The following CDH23 variants were observed in gnomAD, a reference collection of about 807,000 sequenced individuals.
CDH23 encodes the protein cadherin related 23, also known as cadherin-23.
A neutral mutation model predicts 317.1 loss-of-function variants in CDH23; 189 were observed. That is an observed-to-expected ratio of 0.60 (90% CI 0.53 to 0.67). The LOEUF (loss-of-function observed/expected upper bound fraction) is 0.67. Among genes scored for constraint, CDH23 ranks in the 30% least tolerant of loss-of-function variants. The pLI is 0.00. For synonymous variants in CDH23, 1,839 were observed against 1,876.8 expected, an observed-to-expected ratio of 0.98 and a Z score of 0.52; for missense variants, 4,401 against 4,592.4, an observed-to-expected ratio of 0.96 and a Z score of 1.20.
intron 38 of CDH23, chr10:71,742,182 C>T (rs1296600781): frequency 1.9e-6 from 1 of 539,168 alleles, no homozygotes; most frequent in East Asian, 3.0e-5. Context: ...TTTTCTCTCA[C>T]AGAGCAGCTC....
intron 28 of CDH23, chr10:71,716,065 C>T: frequency 1.3e-6 from 2 of 1,515,266 alleles, no homozygotes; most frequent in Non-Finnish European, 8.9e-7. Context: ...AGCCCAGGCG[C>T]TTCCAGAGCC....
At chr10:71,481,783 G>A (rs930837982) in intron 3 of CDH23, among the ~76,000 whole-genome samples, 4 of 152,212 alleles carry the variant, frequency 2.6e-5, no homozygotes, top group Middle Eastern at 3.2e-3. Context: ...CCTTCAGCTC[G>A]CAGAGCTAAC....
intron 47 of CDH23, among the ~76,000 whole-genome samples, chr10:71,792,373 A>G (rs1353820386): frequency 6.6e-6 from 1 of 152,154 alleles, no homozygotes; most frequent in Non-Finnish European, 1.5e-5. Context: ...AAATGAAGAA[A>G]ACTTAGGTGA....
At chr10:71,426,655 A>G (rs1034507772) in intron 1 of CDH23, among the ~76,000 whole-genome samples, 1 of 152,050 alleles carries the variant, frequency 6.6e-6, no homozygotes, top group Non-Finnish European at 1.5e-5. Context: ...TAGTTTTGAT[A>G]AGCTTTGGTT....
At chr10:71,802,796 G>A (rs527803525) in intron 53 of CDH23, 102 bp from the exon 54 acceptor site, 22 of 1,243,844 alleles carry the variant, frequency 1.8e-5, no homozygotes, top group Non-Finnish European at 2.4e-5. Flanking sequence ...TCCCAGGCTG[G>A]TGCCTGTCCT....
intron 38 of CDH23, among the ~76,000 whole-genome samples, 171 bp from the exon 39 acceptor site, chr10:71,777,509 A>C (rs543558376): frequency 6.6e-6 from 1 of 152,082 alleles, no homozygotes; most frequent in African/African-American, 2.4e-5. Context: ...CTTTTGGTGG[A>C]GTTTTTGAGC....
Position 71,763,936 on chromosome 10 carries a change from A to C in CDH23, c.4846-13744A>C, listed in dbSNP as rs187318014. On this transcript the variant is annotated intron_variant, in intron 38 of 69. Transcript: ENST00000224721. Reference sequence around the variant, plus strand: ...CTTGTGTTTAAAGGAGAGTCTCCAAAGGCACCAAAGCCCCAAACGGCATGT... The same window carrying C: ...CTTGTGTTTAAAGGAGAGTCTCCAACGGCACCAAAGCCCCAAACGGCATGT... Among the ~76,000 whole-genome samples the C allele has an allele frequency of 1.5e-3, 226 of 152,340 alleles. 2 individuals are homozygous for C. The highest frequency in any genetic ancestry group is 1.9e-3 in the Non-Finnish European group (130 of 68,032).
At chr10:71,670,930 G>A (rs964462201) in intron 14 of CDH23, among the ~76,000 whole-genome samples, 30 of 151,322 alleles carry the variant, frequency 2.0e-4, no homozygotes, top group Non-Finnish European at 4.0e-4. Context: ...GAGCACAGTT[G>A]AGGTGCTCAC....
At chr10:71,785,352 T>C (rs1405474798) in intron 43 of CDH23, among the ~76,000 whole-genome samples, 1 of 152,202 alleles carries the variant, frequency 6.6e-6, no homozygotes. Flanking sequence ...CCACTTGGTT[T>C]AATCAAGACG....
At chr10:71,723,870 G>A (rs1276045008) in intron 28 of CDH23, among the ~76,000 whole-genome samples, 175 bp from the exon 29 acceptor site, 1 of 152,148 alleles carries the variant, frequency 6.6e-6, no homozygotes, top group East Asian at 1.9e-4. Context: ...ATCCTCTTGG[G>A]GATTAGAAAG....
intron 20 of CDH23, among the ~76,000 whole-genome samples, chr10:71,693,166 C>A (rs920337451): frequency 6.6e-6 from 1 of 152,242 alleles, no homozygotes; most frequent in Non-Finnish European, 1.5e-5. Flanking sequence ...TCACCCTGCT[C>A]CCAAGAGCTA....
intron 38 of CDH23, among the ~76,000 whole-genome samples, chr10:71,760,314 C>CATAT (rs71018220): frequency 0.067 from 5,477 of 82,296 alleles, 309 homozygotes; most frequent in Non-Finnish European, 0.096. Context: ...TATACACACA[C>CATAT]ATATATATAT....
At chr10:71,549,816 A>C (rs928227311) in intron 6 of CDH23, among the ~76,000 whole-genome samples, 2 of 152,188 alleles carry the variant, frequency 1.3e-5, no homozygotes, top group African/African-American at 4.8e-5. Flanking sequence ...ACTTCAAGGC[A>C]CTAGAGGGTG....
intron 6 of CDH23, among the ~76,000 whole-genome samples, chr10:71,546,642 G>A (rs762610272): frequency 5.3e-5 from 8 of 152,162 alleles, no homozygotes; most frequent in African/African-American, 1.4e-4. Flanking sequence ...GTAGGTGCAC[G>A]GTCATTATTA....
chr10:71,640,407 T>A (rs1338989286), intron 11 of CDH23, among the ~76,000 whole-genome samples: 1 of 152,234 alleles, frequency 6.6e-6, no homozygotes, highest in Non-Finnish European at 1.5e-5. Flanking sequence ...ATCCTGATGG[T>A]TCTCAGACAT....
intron 26 of CDH23, chr10:71,707,362 A>G: frequency 7.2e-7 from 1 of 1,381,808 alleles, no homozygotes; most frequent in Non-Finnish European, 9.4e-7. Context: ...AGGAGCCCTG[A>G]GCCCCACTCC....
chr10:71,701,141 G>A (rs893654301), intron 22 of CDH23, among the ~76,000 whole-genome samples: 3 of 152,178 alleles, frequency 2.0e-5, no homozygotes, highest in Admixed American at 2.0e-4. Flanking sequence ...CACCTCAGGA[G>A]CCTCCAGGCT....
At chr10:71,480,556 G>A (rs1317670827) in intron 3 of CDH23, among the ~76,000 whole-genome samples, 1 of 152,258 alleles carries the variant, frequency 6.6e-6, no homozygotes, top group Non-Finnish European at 1.5e-5. Flanking sequence ...CAACTTGGAT[G>A]TGAGGATGGA....
chr10:71,529,810 C>T (rs1392415420), intron 6 of CDH23, among the ~76,000 whole-genome samples: 1 of 152,088 alleles, frequency 6.6e-6, no homozygotes, highest in African/African-American at 2.4e-5. Flanking sequence ...TCCTGCCTCC[C>T]ACCTCCTCCT....
Sources: allele counts gnomAD v4.1 joint callset (sites outside exome capture counted in the v4.1 genomes callset), GRCh38; gene constraint gnomAD v4.1.1; transcripts MANE v1.5; gene names NCBI Gene and HGNC (gene_info 2026-07-23, HGNC 2026-07-21).